MDFIC: variants seen among roughly 807,000 people sequenced by gnomAD.
MDFIC encodes myoD family inhibitor domain-containing protein.
MDFIC carries 17 observed loss-of-function variants against 23.2 expected under a neutral mutation model. The ratio of observed to expected loss-of-function variants is 0.73; its 90% CI spans 0.50 to 1.10. The LOEUF is 1.10. Among genes scored for constraint, MDFIC ranks in the 50% least tolerant of loss-of-function variants. The pLI is 0.00. For missense variants in MDFIC, 356 were observed against 316.6 expected, an observed-to-expected ratio of 1.12 and a Z score of -0.95; for synonymous variants, 120 against 115.2, an observed-to-expected ratio of 1.04 and a Z score of -0.27.
chr7:115,003,994 A>G (rs915855875), intron 4 of MDFIC, among the ~76,000 whole-genome samples: 2 of 152,106 alleles, frequency 1.3e-5, no homozygotes, highest in African/African-American at 2.4e-5. Context: ...TAAACTACTT[A>G]CAGCAGTGCC....
chr7:114,975,243 CAG>C (rs780513512), intron 3 of MDFIC, among the ~76,000 whole-genome samples: 4 of 151,962 alleles, frequency 2.6e-5, no homozygotes, highest in Non-Finnish European at 5.9e-5. Context: ...GTACAAAATG[CAG>C]AGTTTGTAAA....
At position 114,922,480 on chromosome 7, in the gene MDFIC, C is replaced by A; in HGVS notation, c.-264C>A. 3 of 1,252,928 alleles carry A rather than the reference C, an allele frequency of 2.4e-6. No individual in the cohort carries two copies. The highest frequency in any genetic ancestry group is 1.0e-6 in the Non-Finnish European group (1 of 992,552). 77.6% of individuals were successfully genotyped at this position (1,252,928 alleles called of 1,614,324 possible). A position where few individuals can be genotyped will look rare whatever the true frequency, so the allele number is the denominator to read the frequency against. On this transcript the variant is annotated 5_prime_UTR_variant, in exon 1 of 5. Transcript: ENST00000393486. ...CGCCACTGCGGCGTCTGGGCTGAGCCGGAGGGAGGCGGGAGGACGCGCAGG... is the reference window on the plus strand; with the variant it reads ...CGCCACTGCGGCGTCTGGGCTGAGCAGGAGGGAGGCGGGAGGACGCGCAGG...
intron 4 of MDFIC, among the ~76,000 whole-genome samples, chr7:114,996,541 A>G (rs1791335411): frequency 6.6e-6 from 1 of 152,076 alleles, no homozygotes; most frequent in Non-Finnish European, 1.5e-5. Flanking sequence ...GATGTGGAGG[A>G]AGTGTTTGGA....
chr7:114,922,868 G>T lies in MDFIC; in HGVS notation c.-107-59G>T, dbSNP rs1792112840. The T allele has an allele frequency of 7.3e-6, 11 of 1,509,628 alleles. No homozygotes were observed. In the Admixed American group the frequency reaches 1.6e-4, roughly 23 times the overall value. The allele number at this position is 1,509,628 out of a possible 1,614,324, so 93.5% of individuals were successfully genotyped here. A position where few individuals can be genotyped will look rare whatever the true frequency, so the allele number is the denominator to read the frequency against. On this transcript the variant is annotated intron_variant, in intron 1 of 4. Coordinates refer to ENST00000393486, the MANE Select transcript of MDFIC (RefSeq NM_001166345.3). Reference sequence around the variant, plus strand: ...GGAGGGGGAGGGAACGTCCCGCAGGGGTGGTGTGCTCTTCTCTAAAAACAT... The same window carrying T: ...GGAGGGGGAGGGAACGTCCCGCAGGTGTGGTGTGCTCTTCTCTAAAAACAT...
chr7:114,949,473 A>T (rs919486563), intron 3 of MDFIC, among the ~76,000 whole-genome samples: 1 of 152,160 alleles, frequency 6.6e-6, no homozygotes, highest in Non-Finnish European at 1.5e-5. Flanking sequence ...CAAACCTCAA[A>T]CTTCCTGGAT....
At chr7:114,942,221 A>G in intron 2 of MDFIC, 54 bp from the exon 3 acceptor site, 2 of 1,159,864 alleles carry the variant, frequency 1.7e-6, no homozygotes, top group Non-Finnish European at 1.2e-6. Context: ...ATACTAAAAA[A>G]GGAGAGAAAA....
At chr7:114,980,125 A>G (rs750277621) in intron 4 of MDFIC, 12 of 326,334 alleles carry the variant, frequency 3.7e-5, no homozygotes, top group Non-Finnish European at 7.1e-5. Context: ...TCCCTGATGC[A>G]ATATGTTATT....
intron 4 of MDFIC, among the ~76,000 whole-genome samples, chr7:115,007,658 T>TATATATATATA (rs1791598681): frequency 8.7e-6 from 1 of 115,184 alleles, no homozygotes; most frequent in Non-Finnish European, 1.8e-5. Flanking sequence ...ATATATATAT[T>TATATATATATA]TATATTTCCT....
rs1423053763 is a variant in MDFIC, at chr7:115,009,072, A to G, written c.494-6616A>G. 2.0e-5 allele frequency among the ~76,000 whole-genome samples: 3 copies of G among 152,212 alleles called. No individual in the cohort carries two copies. In the East Asian group the frequency reaches 5.8e-4, roughly 29 times the overall value. ...CATAACTCTTATTGTTCATGCTTTA[A>G]TCCATGGTCTTTGGCATATTATTGG... On this transcript the variant is annotated intron_variant, in intron 4 of 4. Transcript: ENST00000393486.
intron 4 of MDFIC, among the ~76,000 whole-genome samples, chr7:114,983,078 A>G (rs1292589905): frequency 6.6e-6 from 1 of 152,240 alleles, no homozygotes; most frequent in African/African-American, 2.4e-5. Context: ...CATTCAAACC[A>G]TAGTACAAGG....
At chr7:114,929,757 C>T (rs1028189486) in intron 2 of MDFIC, among the ~76,000 whole-genome samples, 2 of 151,990 alleles carry the variant, frequency 1.3e-5, no homozygotes, top group African/African-American at 4.8e-5. Flanking sequence ...TGAATACACT[C>T]ACTGTGCACT....
At chr7:115,007,899 A>C (rs1791604971) in intron 4 of MDFIC, among the ~76,000 whole-genome samples, 1 of 129,872 alleles carries the variant, frequency 7.7e-6, no homozygotes, top group African/African-American at 3.0e-5. Flanking sequence ...GAGTTTTGTC[A>C]TGTTGCCCAG....
chr7:114,972,190 A>G (rs1358377515), intron 3 of MDFIC, among the ~76,000 whole-genome samples: 1 of 152,160 alleles, frequency 6.6e-6, no homozygotes, highest in African/African-American at 2.4e-5. Context: ...GAAATGGGAA[A>G]TACTGACTCT....
intron 4 of MDFIC, among the ~76,000 whole-genome samples, chr7:114,983,901 A>C (rs1793463340): frequency 1.3e-5 from 2 of 152,044 alleles, no homozygotes; most frequent in Non-Finnish European, 2.9e-5. Context: ...TGCTTCTCTC[A>C]CATGAACTCA....
intron 4 of MDFIC, among the ~76,000 whole-genome samples, chr7:114,999,779 C>CA (rs34394835): frequency 0.86 from 130,564 of 151,878 alleles, 56,394 homozygotes; most frequent in East Asian, 0.93. Flanking sequence ...GGGGGAGGGT[C>CA]CAATGTAAGT....
intron 4 of MDFIC, among the ~76,000 whole-genome samples, chr7:114,985,736 T>C (rs1235692493): frequency 6.6e-6 from 1 of 151,828 alleles, no homozygotes; most frequent in Non-Finnish European, 1.5e-5. Flanking sequence ...AACAGTTTGC[T>C]GTTGTTGAAA....
chr7:114,994,373 T>C (rs1367684094), intron 4 of MDFIC, among the ~76,000 whole-genome samples: 3 of 152,202 alleles, frequency 2.0e-5, no homozygotes, highest in Non-Finnish European at 4.4e-5. Flanking sequence ...TTGTTATGTG[T>C]GAATTTGATC....
chr7:114,923,312 C>A, intron 2 of MDFIC, 185 bp downstream of exon 2: 2 of 1,138,742 alleles, frequency 1.8e-6, no homozygotes, highest in Non-Finnish European at 2.5e-6. Flanking sequence ...GATCAACAAC[C>A]GGGTAAGAGG....
intron 4 of MDFIC, 71 bp from the exon 5 acceptor site, chr7:115,015,617 T>C: frequency 1.3e-6 from 2 of 1,545,730 alleles, no homozygotes; most frequent in Non-Finnish European, 8.8e-7. Flanking sequence ...TCTTATTGAG[T>C]CAATTGATAA....
Sources: gnomAD v4.1 joint callset for allele counts (sites outside exome capture counted in the v4.1 genomes callset) on GRCh38, gnomAD v4.1.1 for gene constraint, MANE v1.5 for transcripts, NCBI Gene and HGNC (gene_info 2026-07-23, HGNC 2026-07-21) for gene names.